The following HEG1 variants were observed in gnomAD, a reference collection of about 807,000 sequenced individuals.
The protein encoded by HEG1 is heart development protein with EGF like domains 1, also known as protein HEG homolog 1.
Under a neutral mutation model 125.6 loss-of-function variants are expected in HEG1, and 56 were observed. The ratio of observed to expected loss-of-function variants is 0.45; its 90% CI spans 0.36 to 0.56. The LOEUF is 0.56. Ranked by LOEUF, HEG1 falls within the 20% of genes least tolerant of loss-of-function variation. The pLI is 0.00. For missense variants in HEG1, 1,523 were observed against 1,670.0 expected (o/e 0.91, Z 1.53); for synonymous variants, 644 against 668.5 (o/e 0.96, Z 0.57).
intron 14 of HEG1, among the ~76,000 whole-genome samples, chr3:124,984,808 A>G (rs928886988): frequency 1.7e-4 from 26 of 152,212 alleles, no homozygotes; most frequent in Admixed American, 1.6e-3. Flanking sequence ...AACAAAAACA[A>G]ACAAAAAACA....
Position 125,029,218 on chromosome 3 carries a change from A to C in HEG1, c.587T>G (p.Leu196Arg), listed in dbSNP as rs771375889. 1.2e-6 allele frequency: 2 copies of C among 1,612,772 alleles called. No homozygotes were observed. Among genetic ancestry groups the C allele is most frequent in the Non-Finnish European group, 1.7e-6 (2 of 1,179,524 alleles). Reference protein sequence around the residue: ...VGYSLEIATALTSQSGNLASE... With the variant: ...VGYSLEIATARTSQSGNLASE... ...ACCTAAGTTGCCACTCTGGGAAGTC[A>C]GAGCTGTTGCTATCTCCAGTGAGTA... The change falls in exon 2 of 17, where the codon CTG becomes CGG. Residue 196 changes from leucine to arginine, a missense_variant. Coordinates refer to ENST00000311127, the MANE Select transcript of HEG1 (RefSeq NM_020733.2).
chr3:124,976,600 G>C (rs552914511), intron 15 of HEG1, among the ~76,000 whole-genome samples: 1 of 151,118 alleles, frequency 6.6e-6, no homozygotes, highest in Non-Finnish European at 1.5e-5. Flanking sequence ...CCATCTTTTC[G>C]TGTGTGCCAC....
At chr3:125,030,684 T>G (rs1367505072) in intron 1 of HEG1, among the ~76,000 whole-genome samples, 34 of 152,228 alleles carry the variant, frequency 2.2e-4, no homozygotes, top group Non-Finnish European at 5.9e-5. Context: ...TGATGTGTAT[T>G]CATTCAAGCA....
At position 125,029,371 on chromosome 3, in the gene HEG1, T is replaced by C; in HGVS notation, c.434A>G (p.Gln145Arg). 1.9e-6 allele frequency: 3 copies of C among 1,613,764 alleles called. No individual in the cohort carries two copies. Among genetic ancestry groups the C allele is most frequent in the Non-Finnish European group, 2.5e-6 (3 of 1,179,906 alleles). The change falls in exon 2 of 17, where the codon CAG becomes CGG. Residue 145 changes from glutamine (Q) to arginine (R), a missense_variant. Coordinates refer to ENST00000311127, the MANE Select transcript of HEG1 (RefSeq NM_020733.2). Reference sequence around the variant, plus strand: ...AGCAGCATGGCTCTTCCCAGAGGTCTGAACCATCACGCCCTCTTTGGAGGA... The same window carrying C: ...AGCAGCATGGCTCTTCCCAGAGGTCCGAACCATCACGCCCTCTTTGGAGGA... ...TVSSKEGVMVQTSGKSHAASD... is the reference protein window; with the variant it reads ...TVSSKEGVMVRTSGKSHAASD...
intron 3 of HEG1, among the ~76,000 whole-genome samples, chr3:125,022,397 G>GAGAT (rs1491550174): frequency 7.4e-5 from 2 of 26,890 alleles, no homozygotes; most frequent in Admixed American, 6.2e-4. Flanking sequence ...TCACTACAGC[G>GAGAT]AGAGAGAGAG....
intron 11 of HEG1, among the ~76,000 whole-genome samples, chr3:124,999,240 C>T (rs1199189514): frequency 2.0e-5 from 3 of 152,212 alleles, no homozygotes; most frequent in Middle Eastern, 3.2e-3. Flanking sequence ...CAATCAGAAC[C>T]ACATTTGTGT....
At chr3:125,038,667 G>A (rs1937568061) in intron 1 of HEG1, among the ~76,000 whole-genome samples, 1 of 152,186 alleles carries the variant, frequency 6.6e-6, no homozygotes, top group African/African-American at 2.4e-5. Context: ...CACTGTGGAT[G>A]AATTCTGTTT....
chr3:125,002,185 C>T, intron 10 of HEG1, 72 bp downstream of exon 10: 1 of 1,525,586 alleles, frequency 6.6e-7, no homozygotes, highest in Non-Finnish European at 9.0e-7. Flanking sequence ...GGTTTTGTTG[C>T]TATCACCCAT....
chr3:124,992,709 A>G (rs1275252830), intron 12 of HEG1, among the ~76,000 whole-genome samples: 1 of 152,252 alleles, frequency 6.6e-6, no homozygotes, highest in East Asian at 1.9e-4. Context: ...TCTTAATGTT[A>G]GCAGCTGAAT....
At chr3:125,023,086 C>T (rs1937359577) in intron 3 of HEG1, among the ~76,000 whole-genome samples, 2 of 152,002 alleles carry the variant, frequency 1.3e-5, no homozygotes, top group Admixed American at 6.6e-5. Context: ...CTCAGCTACT[C>T]GGGAGGTTGA....
intron 1 of HEG1, among the ~76,000 whole-genome samples, chr3:125,051,721 A>T (rs1211660804): frequency 6.6e-6 from 1 of 152,260 alleles, no homozygotes; most frequent in Non-Finnish European, 1.5e-5. Flanking sequence ...CCTCCCATTC[A>T]TACAAAAAGG....
intron 12 of HEG1, among the ~76,000 whole-genome samples, chr3:124,996,817 G>A (rs1045023551): frequency 3.3e-5 from 5 of 152,246 alleles, no homozygotes; most frequent in Non-Finnish European, 7.3e-5. Context: ...GGTGTTGACT[G>A]AGTAGGAAAA....
At chr3:125,036,219 A>AAAAAAAAG in intron 1 of HEG1, among the ~76,000 whole-genome samples, 1 of 150,638 alleles carries the variant, frequency 6.6e-6, no homozygotes, top group East Asian at 1.9e-4. Flanking sequence ...CAAAAAAAAA[A>AAAAAAAAG]AAAAAAAGAA....
intron 14 of HEG1, among the ~76,000 whole-genome samples, chr3:124,978,389 C>T (rs981255115): frequency 2.6e-5 from 4 of 152,106 alleles, no homozygotes; most frequent in African/African-American, 7.2e-5. Context: ...CCTCTTGATC[C>T]ACCTGCCTCG....
intron 1 of HEG1, among the ~76,000 whole-genome samples, chr3:125,051,031 C>G (rs1011344954): frequency 6.6e-6 from 1 of 152,244 alleles, no homozygotes; most frequent in African/African-American, 2.4e-5. Context: ...GCCACTGCTC[C>G]ACGTTCCCAG....
intron 1 of HEG1, among the ~76,000 whole-genome samples, chr3:125,048,959 T>C (rs1937741252): frequency 6.6e-6 from 1 of 152,186 alleles, no homozygotes; most frequent in Non-Finnish European, 1.5e-5. Context: ...TGTTGCTAAC[T>C]GCCGACATGG....
rs1936361974 is a variant in HEG1 at position 124,968,604 on chromosome 3, T to A, written c.*2048A>T. On this transcript the variant is annotated 3_prime_UTR_variant, in exon 17 of 17. Coordinates refer to ENST00000311127, the MANE Select transcript of HEG1 (RefSeq NM_020733.2). ...TCTGGCTCCGATAGAGGAGATGATT[T>A]GTCAGCTGTGACGTCAGCTGAAGGC... 1 of 152,222 alleles carries A rather than the reference T, an allele frequency of 6.6e-6. No homozygotes were observed. Among genetic ancestry groups the A allele is most frequent in the African/African-American group, 2.4e-5 (1 of 41,464 alleles). The allele number at this position is 152,222 out of a possible 1,614,324, so 9.4% of individuals were successfully genotyped here.
chr3:125,055,621 C>A lies in HEG1; in HGVS notation c.270G>T (p.Ala90=). The stretch of plus-strand genomic sequence containing the variant: ...CCCGGCCGGAGGGTCCCCGCTGTGT[C>A]GCGGCGCCTGGCTCAGGGGCCCTGT... The part of the protein sequence containing the change: ...PSYRAPEPGA[A]TQRGPSGRAP... The change falls in exon 1 of 17, where the codon GCG becomes GCT. Residue 90 remains alanine, a synonymous_variant. Transcript: ENST00000311127. 1 of 1,204,168 alleles carries A rather than the reference C, an allele frequency of 8.3e-7. No homozygotes were observed. Among genetic ancestry groups the A allele is most frequent in the South Asian group, 4.1e-5 (1 of 24,130 alleles). The allele number at this position is 1,204,168 out of a possible 1,614,324, so 74.6% of individuals were successfully genotyped here.
chr3:125,042,962 G>C (rs1057502044), intron 1 of HEG1, among the ~76,000 whole-genome samples: 5 of 152,230 alleles, frequency 3.3e-5, no homozygotes, highest in Admixed American at 3.3e-4. Context: ...AGCCAAATGA[G>C]TTTGTGTGAA....
Sources: allele counts gnomAD v4.1 joint callset (sites outside exome capture counted in the v4.1 genomes callset), GRCh38; gene constraint gnomAD v4.1.1; transcripts MANE v1.5; gene names NCBI Gene and HGNC (gene_info 2026-07-23, HGNC 2026-07-21).